Variants in SFXN1 observed in about 807,000 individuals in gnomAD.
The protein encoded by SFXN1 is sideroflexin 1.
A neutral mutation model predicts 39.5 loss-of-function variants in SFXN1; 32 were observed. The ratio of observed to expected loss-of-function variants is 0.81; its 90% CI spans 0.61 to 1.09. The LOEUF (loss-of-function observed/expected upper bound fraction) is 1.09. SFXN1 is among the 50% of genes least tolerant of loss of function. The pLI is 0.00. For missense variants in SFXN1, 402 were observed against 407.1 expected (o/e 0.99, Z 0.11); for synonymous variants, 136 against 146.5 (o/e 0.93, Z 0.52).
chr5:175,492,056 G>C, intron 1 of SFXN1, 39 bp from the exon 2 acceptor site: 2 of 1,537,560 alleles, frequency 1.3e-6, no homozygotes, highest in South Asian at 1.2e-5. Flanking sequence ...TAGTGACATT[G>C]TAAGCCTTAC....
chr5:175,485,991 C>A (rs1290363702), intron 1 of SFXN1, among the ~76,000 whole-genome samples: 1 of 152,154 alleles, frequency 6.6e-6, no homozygotes, highest in East Asian at 1.9e-4. Context: ...AGCCCAATTC[C>A]TTGTATATAA....
At chr5:175,487,156 C>T (rs1344104276) in intron 1 of SFXN1, among the ~76,000 whole-genome samples, 1 of 152,142 alleles carries the variant, frequency 6.6e-6, no homozygotes, top group Non-Finnish European at 1.5e-5. Flanking sequence ...TGGTGTCCGT[C>T]CAGCATGAAG....
chr5:175,499,734 C>T (rs980739597), intron 2 of SFXN1, among the ~76,000 whole-genome samples: 3 of 152,158 alleles, frequency 2.0e-5, no homozygotes, highest in African/African-American at 7.2e-5. Flanking sequence ...GGGAGCAAGG[C>T]AAGGATTTCT....
chr5:175,499,286 A>G (rs1193882904), intron 2 of SFXN1, among the ~76,000 whole-genome samples: 2 of 152,090 alleles, frequency 1.3e-5, no homozygotes, highest in Non-Finnish European at 2.9e-5. Flanking sequence ...TCAAACCACA[A>G]ACTCCAGCAG....
chr5:175,495,729 A>AC (rs546000937), intron 2 of SFXN1, among the ~76,000 whole-genome samples: 151 of 14,142 alleles, frequency 0.011, 2 homozygotes, highest in East Asian at 4.4e-3. Flanking sequence ...ACTTCGTCTC[A>AC]AAAAAAAAAA....
chr5:175,509,559 T>C (rs2644673), intron 3 of SFXN1, among the ~76,000 whole-genome samples: 6,332 of 152,140 alleles, frequency 0.042, 431 homozygotes, highest in African/African-American at 0.14. Context: ...TAGCATCTTC[T>C]TAGTTGTTCA....
At chr5:175,486,187 T>A (rs267391) in intron 1 of SFXN1, among the ~76,000 whole-genome samples, 1 of 150,374 alleles carries the variant, frequency 6.7e-6, no homozygotes, top group Non-Finnish European at 1.5e-5. Flanking sequence ...AGGAAAAAAG[T>A]GGGGGGGCCT....
intron 2 of SFXN1, among the ~76,000 whole-genome samples, chr5:175,500,144 C>T (rs1380073646): frequency 6.6e-6 from 1 of 152,050 alleles, no homozygotes; most frequent in African/African-American, 2.4e-5. Flanking sequence ...GCTGAGATTG[C>T]ACCATTGTAC....
At chr5:175,484,106 G>C (rs993069708) in intron 1 of SFXN1, 17 of 152,270 alleles carry the variant, frequency 1.1e-4, no homozygotes, top group African/African-American at 3.9e-4. Context: ...TCAGCACAAG[G>C]CTGTGCAGCA....
chr5:175,495,906 T>C (rs1271126202), intron 2 of SFXN1, among the ~76,000 whole-genome samples: 3 of 79,710 alleles, frequency 3.8e-5, no homozygotes. Flanking sequence ...AAAGTGGCTT[T>C]TTTTTTTTTT....
rs748750568 is a variant in SFXN1, at chr5:175,528,365, G to A, written c.*1631G>A. 6.6e-6 allele frequency: 1 copy of A among 152,162 alleles called. No homozygotes were observed. The highest frequency in any genetic ancestry group is 1.5e-5 in the Non-Finnish European group (1 of 68,048). 9.4% of individuals were successfully genotyped at this position (152,162 alleles called of 1,614,324 possible). A position where few individuals can be genotyped will look rare whatever the true frequency, so the allele number is the denominator to read the frequency against. On this transcript the variant is annotated 3_prime_UTR_variant, in exon 11 of 11. Coordinates refer to ENST00000321442, the MANE Select transcript of SFXN1 (RefSeq NM_022754.7). Reference sequence around the variant, plus strand: ...TGATTTAGCAAGTATACAGGAGGATGTGCCTAGGTTATATGCAAATACTGT... The same window carrying A: ...TGATTTAGCAAGTATACAGGAGGATATGCCTAGGTTATATGCAAATACTGT...
intron 2 of SFXN1, among the ~76,000 whole-genome samples, chr5:175,501,409 A>G (rs1760080141): frequency 6.6e-6 from 1 of 152,164 alleles, no homozygotes; most frequent in Non-Finnish European, 1.5e-5. Flanking sequence ...AGAATGGACA[A>G]TTATCAATTG....
At chr5:175,526,596 C>A (rs763100064) in intron 10 of SFXN1, 42 bp from the exon 11 acceptor site, 1 of 1,537,838 alleles carries the variant, frequency 6.5e-7, no homozygotes, top group Admixed American at 1.7e-5. Flanking sequence ...TGATTCTCAC[C>A]TCTGCCTGTG....
chr5:175,513,290 A>C (rs1258504558), intron 6 of SFXN1, among the ~76,000 whole-genome samples, 173 bp from the exon 7 acceptor site: 1 of 94,280 alleles, frequency 1.1e-5, no homozygotes, highest in African/African-American at 4.4e-5. Flanking sequence ...CAACAGAGTG[A>C]GACTGTAAAA....
At chr5:175,513,996 C>G (rs117278477) in intron 7 of SFXN1, among the ~76,000 whole-genome samples, 1 of 151,836 alleles carries the variant, frequency 6.6e-6, no homozygotes, top group Non-Finnish European at 1.5e-5. Context: ...GACGGCAGAG[C>G]GTGGATGGCA....
At chr5:175,482,635 T>G (rs1342459978) in intron 1 of SFXN1, among the ~76,000 whole-genome samples, 1 of 152,138 alleles carries the variant, frequency 6.6e-6, no homozygotes, top group Admixed American at 6.5e-5. Context: ...CACTTTTGTT[T>G]GGTAACTTAA....
intron 2 of SFXN1, among the ~76,000 whole-genome samples, chr5:175,504,830 G>A (rs1159485992): frequency 2.0e-5 from 3 of 151,926 alleles, no homozygotes; most frequent in Non-Finnish European, 2.9e-5. Flanking sequence ...CCGGGTTCAC[G>A]CCATTCTCCT....
At chr5:175,516,148 G>A (rs748326657) in intron 7 of SFXN1, among the ~76,000 whole-genome samples, 2 of 152,118 alleles carry the variant, frequency 1.3e-5, no homozygotes, top group Non-Finnish European at 2.9e-5. Flanking sequence ...CTCCTGCTGG[G>A]CAGCCCTATT....
At chr5:175,512,524 A>G (rs1377757210) in intron 6 of SFXN1, among the ~76,000 whole-genome samples, 1 of 152,194 alleles carries the variant, frequency 6.6e-6, no homozygotes, top group Non-Finnish European at 1.5e-5. Flanking sequence ...GGGTTGGACA[A>G]AGTCTATCCA....
Sources: allele counts gnomAD v4.1 joint callset (sites outside exome capture counted in the v4.1 genomes callset), GRCh38; gene constraint gnomAD v4.1.1; transcripts MANE v1.5; gene names NCBI Gene and HGNC (gene_info 2026-07-23, HGNC 2026-07-21).